The following SDK1 variants were observed in gnomAD, a reference collection of about 807,000 sequenced individuals.
SDK1 encodes the protein protein sidekick-1.
SDK1 carries 157 observed loss-of-function variants against 245.5 expected under a neutral mutation model. The ratio of observed to expected loss-of-function variants is 0.64; its 90% CI spans 0.56 to 0.73. The LOEUF (loss-of-function observed/expected upper bound fraction) is 0.73, where lower values mean the gene tolerates loss of function less well. SDK1 is among the 30% of genes least tolerant of loss of function. The probability of loss-of-function intolerance (pLI) is 0.00; values close to 1 mark genes in which losing one functional copy is unlikely to be tolerated. For missense variants in SDK1, 3,583 were observed against 3,002.3 expected, an observed-to-expected ratio of 1.19 and a Z score of -4.52; for synonymous variants, 1,647 against 1,278.5, an observed-to-expected ratio of 1.29 and a Z score of -6.15.
intron 4 of SDK1, among the ~76,000 whole-genome samples, chr7:3,682,066 G>A (rs1240660681): frequency 6.6e-6 from 1 of 152,186 alleles, no homozygotes; most frequent in African/African-American, 2.4e-5. Context: ...TAGTTGTTTA[G>A]TTGGTAGAAT....
Position 4,043,847 on chromosome 7 carries a change from C to T in SDK1, c.2603-5501C>T, listed in dbSNP as rs528652315. 1.1e-3 allele frequency among the ~76,000 whole-genome samples: 168 copies of T among 152,224 alleles called. 4 individuals carry two copies. In the South Asian group the frequency reaches 0.033, roughly 30 times the overall value. ...TCGTGAAACCCCAGAGCTAAACCTA[C>T]CGAGAATGAGATGCCGTCCTCAACC... On this transcript the variant is annotated intron_variant, in intron 17 of 44. Transcript: ENST00000404826.
At chr7:4,045,819 G>A (rs1306804744) in intron 17 of SDK1, among the ~76,000 whole-genome samples, 1 of 152,144 alleles carries the variant, frequency 6.6e-6, no homozygotes, top group Non-Finnish European at 1.5e-5. Context: ...ATGGGATGGT[G>A]AGGTTCTCTT....
intron 4 of SDK1, among the ~76,000 whole-genome samples, chr7:3,720,719 T>C (rs2115028777): frequency 6.6e-6 from 1 of 152,342 alleles, no homozygotes; most frequent in East Asian, 1.9e-4. Flanking sequence ...GCTTACTTTA[T>C]GATCCTTTGC....
chr7:3,462,325 T>C (rs1780858421), intron 1 of SDK1, among the ~76,000 whole-genome samples: 1 of 152,006 alleles, frequency 6.6e-6, no homozygotes. Context: ...AATATCTTTC[T>C]CTCTTCCCCC....
intron 4 of SDK1, among the ~76,000 whole-genome samples, chr7:3,696,241 C>T (rs1354310805): frequency 6.6e-6 from 1 of 152,116 alleles, no homozygotes; most frequent in East Asian, 1.9e-4. Flanking sequence ...CACTGTGGTC[C>T]TTGTTCAGAT....
chr7:3,835,527 T>C (rs1780011601), intron 5 of SDK1, among the ~76,000 whole-genome samples: 1 of 152,192 alleles, frequency 6.6e-6, no homozygotes, highest in Admixed American at 6.5e-5. Flanking sequence ...AAAGCTATTT[T>C]TTCTCCTAAG....
At chr7:3,746,641 T>G (rs1324426974) in intron 4 of SDK1, among the ~76,000 whole-genome samples, 1 of 152,214 alleles carries the variant, frequency 6.6e-6, no homozygotes, top group East Asian at 1.9e-4. Context: ...TAACACATCA[T>G]TTTCTTTGCT....
chr7:3,974,239 G>C, intron 12 of SDK1, 130 bp from the exon 13 acceptor site: 1 of 603,566 alleles, frequency 1.7e-6, no homozygotes, highest in Non-Finnish European at 2.8e-6. Context: ...CTCTTTTAAA[G>C]AGCACAGTTC....
intron 1 of SDK1, among the ~76,000 whole-genome samples, chr7:3,612,127 A>G (rs1018601521): frequency 6.6e-6 from 1 of 152,160 alleles, no homozygotes; most frequent in Non-Finnish European, 1.5e-5. Context: ...ACGACTACAC[A>G]TTGGGTACAG....
Position 3,693,757 on chromosome 7 carries a change from T to C in SDK1, c.713+51652T>C, listed in dbSNP as rs150448695. ...TGGAGTATCTGGGAATCTATTGTTATAGCCTCTAGATTCTGGCACTGGCCT... is the reference window on the plus strand; with the variant it reads ...TGGAGTATCTGGGAATCTATTGTTACAGCCTCTAGATTCTGGCACTGGCCT... On this transcript the variant is annotated intron_variant, in intron 4 of 44. Transcript: ENST00000404826. Among the ~76,000 whole-genome samples, 417 of 152,350 alleles carry C rather than the reference T, an allele frequency of 2.7e-3. 3 individuals carry two copies. The highest frequency in any genetic ancestry group is 9.6e-3 in the African/African-American group (400 of 41,590).
chr7:3,635,514 C>G (rs1290394522), intron 2 of SDK1, among the ~76,000 whole-genome samples: 2 of 152,152 alleles, frequency 1.3e-5, no homozygotes, highest in African/African-American at 2.4e-5. Context: ...GGGAACTGAG[C>G]AAATACAGCG....
intron 41 of SDK1, among the ~76,000 whole-genome samples, chr7:4,236,743 G>A (rs577154012): frequency 1.3e-5 from 2 of 152,216 alleles, no homozygotes; most frequent in African/African-American, 4.8e-5. Flanking sequence ...GACAGGAGGA[G>A]GCGTAACAGG....
At chr7:4,138,285 A>C (rs1359723460) in intron 28 of SDK1, among the ~76,000 whole-genome samples, 1 of 152,136 alleles carries the variant, frequency 6.6e-6, no homozygotes, top group African/African-American at 2.4e-5. Flanking sequence ...CCCCCTTCCT[A>C]CTTGGGTCCA....
intron 1 of SDK1, among the ~76,000 whole-genome samples, chr7:3,601,998 G>T (rs1440628236): frequency 1.3e-5 from 2 of 152,078 alleles, no homozygotes; most frequent in African/African-American, 4.8e-5. Context: ...CTCTACAAAG[G>T]ACATGAACTC....
intron 1 of SDK1, among the ~76,000 whole-genome samples, chr7:3,372,650 T>C (rs1781256319): frequency 1.3e-5 from 2 of 152,166 alleles, no homozygotes; most frequent in South Asian, 2.1e-4. Context: ...TTGATTGTTG[T>C]GTGAGATGGT....
chr7:4,252,754 C>T (rs368726354), intron 44 of SDK1, among the ~76,000 whole-genome samples: 1 of 151,158 alleles, frequency 6.6e-6, no homozygotes, highest in African/African-American at 2.4e-5. Flanking sequence ...CCTCTGGTCT[C>T]GGGCTTTTGT....
At chr7:3,938,920 G>A (rs1490369979) in intron 5 of SDK1, among the ~76,000 whole-genome samples, 1 of 152,152 alleles carries the variant, frequency 6.6e-6, no homozygotes, top group African/African-American at 2.4e-5. Context: ...ATTTCCAAAT[G>A]TGTAACTTTT....
chr7:3,908,772 T>C (rs996935636), intron 5 of SDK1, among the ~76,000 whole-genome samples: 1 of 152,114 alleles, frequency 6.6e-6, no homozygotes, highest in Admixed American at 6.5e-5. Context: ...CCCGGATGTC[T>C]AGAGCGGGAG....
intron 4 of SDK1, among the ~76,000 whole-genome samples, chr7:3,648,494 G>A (rs754863633): frequency 1.3e-5 from 2 of 152,132 alleles, no homozygotes; most frequent in Admixed American, 6.5e-5. Flanking sequence ...GTGAAGTATG[G>A]GCAGTAAACA....
Sources: allele counts gnomAD v4.1 joint callset (sites outside exome capture counted in the v4.1 genomes callset), GRCh38; gene constraint gnomAD v4.1.1; transcripts MANE v1.5; gene names NCBI Gene and HGNC (gene_info 2026-07-23, HGNC 2026-07-21).